CDH13: variants seen among roughly 807,000 people sequenced by gnomAD.
CDH13 encodes cadherin 13, also known as cadherin-13.
In CDH13, 24 loss-of-function variants were observed where a neutral mutation model predicts 63.8. The observed-to-expected ratio is 0.38, with a 90% CI of 0.27 to 0.53. The LOEUF (loss-of-function observed/expected upper bound fraction) is 0.53. CDH13 is among the 20% of genes least tolerant of loss of function. CDH13 has a pLI of 0.85. For synonymous variants in CDH13, 503 were observed against 355.3 expected (o/e 1.42, Z -4.67); for missense variants, 1,049 against 903.1 (o/e 1.16, Z -2.07).
intron 1 of CDH13, among the ~76,000 whole-genome samples, chr16:82,674,162 A>C (rs181969551): frequency 7.0e-4 from 107 of 152,272 alleles, no homozygotes; most frequent in Non-Finnish European, 8.2e-4. Flanking sequence ...TTAGCAGAAA[A>C]TCACACCTCA....
At chr16:82,691,181 T>C (rs1281680097) in intron 1 of CDH13, among the ~76,000 whole-genome samples, 1 of 152,166 alleles carries the variant, frequency 6.6e-6, no homozygotes, top group African/African-American at 2.4e-5. Context: ...CGTGGAGGTG[T>C]TACCTACAAG....
chr16:83,262,295 G>A (rs777489379), intron 5 of CDH13, among the ~76,000 whole-genome samples: 1 of 152,196 alleles, frequency 6.6e-6, no homozygotes, highest in Non-Finnish European at 1.5e-5. Flanking sequence ...TGCCCATGGG[G>A]GGAGGACATT....
chr16:82,713,652 T>C (rs528364096), intron 1 of CDH13, among the ~76,000 whole-genome samples: 1 of 152,166 alleles, frequency 6.6e-6, no homozygotes, highest in East Asian at 1.9e-4. Context: ...GCTCTAAGAC[T>C]CCATTAAAAA....
chr16:83,010,160 A>AAAAAAAAC (rs1913995009), intron 2 of CDH13, among the ~76,000 whole-genome samples: 5 of 147,602 alleles, frequency 3.4e-5, no homozygotes, highest in Non-Finnish European at 6.0e-5. Flanking sequence ...AAAAAAAAAA[A>AAAAAAAAC]AACAAGAATG....
At chr16:83,409,004 A>G (rs768447129) in intron 6 of CDH13, among the ~76,000 whole-genome samples, 1 of 152,076 alleles carries the variant, frequency 6.6e-6, no homozygotes, top group Non-Finnish European at 1.5e-5. Flanking sequence ...AATCAGAGTG[A>G]GTGAGTGGGT....
At chr16:83,646,859 G>A (rs1344857305) in intron 8 of CDH13, among the ~76,000 whole-genome samples, 1 of 151,896 alleles carries the variant, frequency 6.6e-6, no homozygotes, top group Non-Finnish European at 1.5e-5. Context: ...CTAGCTGCTT[G>A]TATCAAAAGA....
At chr16:83,025,913 G>C (rs6565104) in intron 2 of CDH13, among the ~76,000 whole-genome samples, 132,676 of 152,140 alleles carry the variant, frequency 0.87, 58,099 homozygotes, top group East Asian at 0.97. Flanking sequence ...CACACAGACC[G>C]CAACTCAGCA....
chr16:82,978,641 A>C (rs2151381783), intron 2 of CDH13, among the ~76,000 whole-genome samples: 1 of 152,376 alleles, frequency 6.6e-6, no homozygotes, highest in African/African-American at 2.4e-5. Context: ...GGTACACAGA[A>C]GTCAGTAATT....
chr16:83,652,985 C>G (rs569828369), intron 8 of CDH13, among the ~76,000 whole-genome samples: 1 of 152,304 alleles, frequency 6.6e-6, no homozygotes, highest in South Asian at 2.1e-4. Context: ...GACTGAAGTA[C>G]TGATCCACGC....
chr16:82,660,348 A>C (rs553619545), intron 1 of CDH13, among the ~76,000 whole-genome samples: 23 of 152,196 alleles, frequency 1.5e-4, no homozygotes, highest in Non-Finnish European at 2.9e-4. Flanking sequence ...TGGTATTTAA[A>C]ATATGTCATA....
At chr16:83,551,703 C>A (rs752340425) in intron 7 of CDH13, among the ~76,000 whole-genome samples, 2 of 152,126 alleles carry the variant, frequency 1.3e-5, no homozygotes, top group Non-Finnish European at 2.9e-5. Flanking sequence ...TTCTTGTCCT[C>A]CCTTGGAGAA....
At chr16:83,446,483 G>C (rs1366283378) in intron 6 of CDH13, among the ~76,000 whole-genome samples, 2 of 152,122 alleles carry the variant, frequency 1.3e-5, no homozygotes, top group African/African-American at 4.8e-5. Context: ...ATAAAATAAT[G>C]TAAATTATTC....
At chr16:83,523,960 A>T (rs1009240005) in intron 7 of CDH13, among the ~76,000 whole-genome samples, 3 of 152,204 alleles carry the variant, frequency 2.0e-5, no homozygotes, top group African/African-American at 7.2e-5. Flanking sequence ...CGTCCTGGGC[A>T]ACCAAAGTCC....
At chr16:83,222,191 A>G (rs2039719508) in intron 5 of CDH13, among the ~76,000 whole-genome samples, 1 of 152,216 alleles carries the variant, frequency 6.6e-6, no homozygotes, top group Non-Finnish European at 1.5e-5. Flanking sequence ...CCTTCTGAGT[A>G]TTTGCTCACA....
At chr16:83,062,212 G>A (rs1334762669) in intron 3 of CDH13, among the ~76,000 whole-genome samples, 1 of 152,168 alleles carries the variant, frequency 6.6e-6, no homozygotes. Flanking sequence ...CTTCAGAGAA[G>A]CCTTCCCTTA....
chr16:83,299,410 A>T (rs554541738), intron 5 of CDH13, among the ~76,000 whole-genome samples: 1 of 152,232 alleles, frequency 6.6e-6, no homozygotes, highest in Non-Finnish European at 1.5e-5. Flanking sequence ...TGGACTCCTC[A>T]TGCTTGCAGC....
At chr16:83,369,093 G>C (rs920769059) in intron 6 of CDH13, among the ~76,000 whole-genome samples, 1 of 151,204 alleles carries the variant, frequency 6.6e-6, no homozygotes, top group African/African-American at 2.4e-5. Flanking sequence ...TAGCAGGATT[G>C]CTGGATCAAA....
At position 83,159,263 on chromosome 16, in the gene CDH13, C is replaced by T. The variant is rs576788373; in HGVS notation, c.483+33762C>T. ...TGAGTAACACTGTGAATTCCTGTGA[C>T]TCTAGTTGAGTTAAATTTATTCCTA... On this transcript the variant is annotated intron_variant, in intron 4 of 13. Transcript: ENST00000567109. 2.6e-4 allele frequency among the ~76,000 whole-genome samples: 39 copies of T among 152,250 alleles called. No individual in the cohort carries two copies. The South Asian group carries it at 7.9e-3, about 31-fold the overall frequency.
intron 10 of CDH13, among the ~76,000 whole-genome samples, chr16:83,729,780 C>T (rs775137259): frequency 6.6e-6 from 1 of 152,234 alleles, no homozygotes; most frequent in African/African-American, 2.4e-5. Flanking sequence ...TTATCATCAT[C>T]ATGATCATAA....
Sources: gnomAD v4.1 joint callset for allele counts (sites outside exome capture counted in the v4.1 genomes callset) on GRCh38, gnomAD v4.1.1 for gene constraint, MANE v1.5 for transcripts, NCBI Gene and HGNC (gene_info 2026-07-23, HGNC 2026-07-21) for gene names.